ACOXL: variants seen among roughly 807,000 people sequenced by gnomAD.
ACOXL encodes acyl-coenzyme A oxidase-like protein.
ACOXL carries 70 observed loss-of-function variants against 71.9 expected under a neutral mutation model. That is an observed-to-expected ratio of 0.97 (90% CI 0.80 to 1.19). ACOXL has a LOEUF of 1.19. ACOXL is among the 50% of genes most tolerant of loss of function. The pLI is 0.00. For missense variants in ACOXL, 703 were observed against 736.3 expected, an observed-to-expected ratio of 0.95 and a Z score of 0.52; for synonymous variants, 253 against 281.6, an observed-to-expected ratio of 0.90 and a Z score of 1.02.
chr2:111,024,003 C>T (rs1212560788), intron 14 of ACOXL, among the ~76,000 whole-genome samples: 2 of 152,110 alleles, frequency 1.3e-5, no homozygotes, highest in African/African-American at 4.8e-5. Context: ...TTGAACAGGT[C>T]AAGGAGGGAC....
chr2:111,003,367 G>A (rs560241154), intron 14 of ACOXL, among the ~76,000 whole-genome samples: 1 of 151,654 alleles, frequency 6.6e-6, no homozygotes, highest in South Asian at 2.1e-4. Context: ...GGCCAACATG[G>A]TGAAACCCCG....
chr2:110,952,911 A>G (rs543808390), intron 12 of ACOXL, among the ~76,000 whole-genome samples: 1 of 152,348 alleles, frequency 6.6e-6, no homozygotes, highest in Admixed American at 6.5e-5. Context: ...ATGATTTGAT[A>G]TATAAGATTT....
intron 11 of ACOXL, among the ~76,000 whole-genome samples, chr2:110,923,289 A>G (rs1222099966): frequency 1.3e-5 from 2 of 152,072 alleles, no homozygotes; most frequent in Non-Finnish European, 2.9e-5. Context: ...TATGCTGACT[A>G]CTTCCCCCCA....
intron 10 of ACOXL, among the ~76,000 whole-genome samples, chr2:110,847,857 A>G (rs922597383): frequency 2.0e-5 from 3 of 152,126 alleles, no homozygotes; most frequent in Non-Finnish European, 4.4e-5. Flanking sequence ...CAAAGTACAG[A>G]CCCGGGGTGA....
intron 16 of ACOXL, among the ~76,000 whole-genome samples, chr2:111,080,980 C>T (rs576168494): frequency 1.3e-5 from 2 of 152,228 alleles, no homozygotes; most frequent in African/African-American, 4.8e-5. Flanking sequence ...TCCGTTCATG[C>T]TAAAAACTCT....
At chr2:110,776,074 G>A (rs1682601385) in intron 2 of ACOXL, among the ~76,000 whole-genome samples, 1 of 152,188 alleles carries the variant, frequency 6.6e-6, no homozygotes, top group Non-Finnish European at 1.5e-5. Context: ...CATACAATGG[G>A]ATGTTATTCA....
intron 10 of ACOXL, among the ~76,000 whole-genome samples, chr2:110,854,959 T>A (rs1693058836): frequency 6.6e-6 from 1 of 152,210 alleles, no homozygotes; most frequent in African/African-American, 2.4e-5. Context: ...TTTAAGAAAC[T>A]GTCCCAGTTG....
intron 13 of ACOXL, among the ~76,000 whole-genome samples, chr2:110,989,774 T>C (rs905055147): frequency 6.6e-6 from 1 of 152,160 alleles, no homozygotes; most frequent in African/African-American, 2.4e-5. Context: ...CTGGGCACAG[T>C]GGCTTATGCG....
chr2:111,013,421 G>A (rs554951255), intron 14 of ACOXL, among the ~76,000 whole-genome samples: 4 of 151,256 alleles, frequency 2.6e-5, no homozygotes, highest in African/African-American at 9.7e-5. Flanking sequence ...TGCTTGGGAG[G>A]CTGAGGCAGG....
intron 16 of ACOXL, among the ~76,000 whole-genome samples, chr2:111,077,448 C>T (rs1370912445): frequency 2.6e-5 from 4 of 152,124 alleles, no homozygotes; most frequent in Non-Finnish European, 4.4e-5. Context: ...AATCATTAAA[C>T]ATGTTTTAAA....
chr2:110,945,139 A>G (rs1221916641), intron 12 of ACOXL, among the ~76,000 whole-genome samples: 1 of 152,182 alleles, frequency 6.6e-6, no homozygotes, highest in Non-Finnish European at 1.5e-5. Context: ...AGCTGCATGT[A>G]TGTCTTCTTT....
intron 12 of ACOXL, among the ~76,000 whole-genome samples, chr2:110,979,935 T>A (rs1198847423): frequency 6.6e-6 from 1 of 152,194 alleles, no homozygotes; most frequent in Non-Finnish European, 1.5e-5. Flanking sequence ...GTTTTTAATG[T>A]GAAATGGCCA....
At chr2:110,831,759 C>T (rs1476565712) in intron 9 of ACOXL, among the ~76,000 whole-genome samples, 1 of 152,048 alleles carries the variant, frequency 6.6e-6, no homozygotes, top group African/African-American at 2.4e-5. Flanking sequence ...GATTAGGCAT[C>T]CCAGAAATAG....
At chr2:111,101,075 T>C (rs2069123303) in intron 17 of ACOXL, 2 of 152,666 alleles carry the variant, frequency 1.3e-5, no homozygotes, top group African/African-American at 4.8e-5. Flanking sequence ...TCAGGAGATG[T>C]GGCTTGGAGG....
chr2:110,877,392 G>A (rs924561382), intron 10 of ACOXL, among the ~76,000 whole-genome samples: 5 of 152,222 alleles, frequency 3.3e-5, no homozygotes, highest in Non-Finnish European at 5.9e-5. Flanking sequence ...GCTGCGGCCC[G>A]TGTGCTTGCT....
In ACOXL at chr2:110,861,732, T is replaced by G. The variant is rs550362693; in HGVS notation, c.788+20327T>G. Reference sequence around the variant, plus strand: ...TTTGCACCTTATTGTCACTACGTAATGTCTGAAAAACTTGGAATTATTTCC... The same window carrying G: ...TTTGCACCTTATTGTCACTACGTAAGGTCTGAAAAACTTGGAATTATTTCC... On this transcript the variant is annotated intron_variant, in intron 10 of 17. Coordinates refer to ENST00000439055, the MANE Select transcript of ACOXL (RefSeq NM_001142807.4). Among the ~76,000 whole-genome samples, 8 of 152,358 alleles carry G rather than the reference T, an allele frequency of 5.3e-5. No homozygotes were observed. The East Asian group carries it at 1.5e-3, about 29-fold the overall frequency.
At chr2:110,915,110 AT>A (rs35716280) in intron 11 of ACOXL, among the ~76,000 whole-genome samples, 2 of 151,806 alleles carry the variant, frequency 1.3e-5, no homozygotes, top group African/African-American at 4.8e-5. Context: ...CTTTTTAACT[AT>A]TTTTGTTGTT....
chr2:111,010,740 G>C (rs1031620895), intron 14 of ACOXL, among the ~76,000 whole-genome samples: 3 of 152,118 alleles, frequency 2.0e-5, no homozygotes, highest in African/African-American at 7.2e-5. Context: ...TAGAATGATG[G>C]TTCACTTTTC....
At chr2:110,868,476 C>A (rs1694880406) in intron 10 of ACOXL, among the ~76,000 whole-genome samples, 1 of 152,220 alleles carries the variant, frequency 6.6e-6, no homozygotes, top group African/African-American at 2.4e-5. Flanking sequence ...TCTCTATCGA[C>A]CCACGTGAAT....
Sources: gnomAD v4.1 joint callset for allele counts (sites outside exome capture counted in the v4.1 genomes callset) on GRCh38, gnomAD v4.1.1 for gene constraint, MANE v1.5 for transcripts, NCBI Gene and HGNC (gene_info 2026-07-23, HGNC 2026-07-21) for gene names.